The following GALNT10 variants were observed in gnomAD, a reference collection of about 807,000 sequenced individuals.
GALNT10 encodes the protein polypeptide N-acetylgalactosaminyltransferase 10.
A neutral mutation model predicts 75.0 loss-of-function variants in GALNT10; 41 were observed. The ratio of observed to expected loss-of-function variants is 0.55; its 90% confidence interval spans 0.43 to 0.71. GALNT10 has a LOEUF of 0.71. GALNT10 is among the 30% of genes least tolerant of loss of function. The pLI is 0.00. For missense variants in GALNT10, 727 were observed against 818.5 expected (o/e 0.89, Z 1.36); for synonymous variants, 302 against 313.0 (o/e 0.96, Z 0.37).
At chr5:154,346,135 T>TGTGC (rs1465304840) in intron 4 of GALNT10, among the ~76,000 whole-genome samples, 3 of 87,500 alleles carry the variant, frequency 3.4e-5, no homozygotes, top group Non-Finnish European at 8.1e-5. Flanking sequence ...AATATTCGTG[T>TGTGC]GTGCGTGTGT....
chr5:154,371,693 C>T (rs1755572260), intron 4 of GALNT10, among the ~76,000 whole-genome samples: 1 of 152,132 alleles, frequency 6.6e-6, no homozygotes, highest in Non-Finnish European at 1.5e-5. Flanking sequence ...GCAAGGCTTT[C>T]CCTAGGTCTC....
intron 1 of GALNT10, among the ~76,000 whole-genome samples, chr5:154,285,486 C>T (rs951472234): frequency 6.6e-6 from 1 of 152,178 alleles, no homozygotes; most frequent in Non-Finnish European, 1.5e-5. Context: ...GTTTCACCTG[C>T]ATCTGTGGGA....
chr5:154,393,888 T>C (rs1323147325), intron 7 of GALNT10, among the ~76,000 whole-genome samples: 1 of 152,088 alleles, frequency 6.6e-6, no homozygotes, highest in Non-Finnish European at 1.5e-5. Context: ...TCTCAGCACT[T>C]CCAGCCCACC....
chr5:154,216,775 A>T (rs1328223396), intron 1 of GALNT10, among the ~76,000 whole-genome samples: 1 of 152,178 alleles, frequency 6.6e-6, no homozygotes, highest in Non-Finnish European at 1.5e-5. Flanking sequence ...CTCCAGGTGG[A>T]CTATATAACA....
At chr5:154,325,357 T>C (rs1290872472) in intron 3 of GALNT10, among the ~76,000 whole-genome samples, 1 of 152,160 alleles carries the variant, frequency 6.6e-6, no homozygotes, top group East Asian at 1.9e-4. Flanking sequence ...AGTAGCTATA[T>C]TAATGTTAAG....
At chr5:154,273,167 T>C (rs73805839) in intron 1 of GALNT10, among the ~76,000 whole-genome samples, 27,286 of 151,936 alleles carry the variant, frequency 0.18, 2,592 homozygotes, top group African/African-American at 0.22. Context: ...TCTTCTGAGG[T>C]CACAGATATA....
chr5:154,238,888 T>A (rs552288640), intron 1 of GALNT10, among the ~76,000 whole-genome samples: 1 of 152,362 alleles, frequency 6.6e-6, no homozygotes, highest in South Asian at 2.1e-4. Flanking sequence ...GCACCAAGTG[T>A]TCGGCAAACT....
In GALNT10 at chr5:154,416,512, C is replaced by T. The variant is rs1756514607; in HGVS notation, c.1654-302C>T. ...ACACACACACACACACACACACACA[C>T]ACACACGATAAGGACCAGTGAGGTC... On this transcript the variant is annotated intron_variant, in intron 11 of 11. Coordinates refer to ENST00000297107, the MANE Select transcript of GALNT10 (RefSeq NM_198321.4). The surrounding 1 kb of genome is among the most constrained non-coding windows in gnomAD (Gnocchi z 4.5). Among the ~76,000 whole-genome samples, 1 of 150,964 alleles carries T rather than the reference C, an allele frequency of 6.6e-6. No homozygotes were observed. Among genetic ancestry groups the T allele is most frequent in the Non-Finnish European group, 1.5e-5 (1 of 67,830 alleles).
intron 1 of GALNT10, among the ~76,000 whole-genome samples, chr5:154,215,050 C>T (rs900733731): frequency 6.6e-6 from 1 of 152,170 alleles, no homozygotes; most frequent in Admixed American, 6.5e-5. Flanking sequence ...ATATGTATAA[C>T]TTGTGTGATT....
intron 4 of GALNT10, among the ~76,000 whole-genome samples, chr5:154,348,033 T>C (rs79232948): frequency 0.011 from 1,665 of 152,374 alleles, 36 homozygotes; most frequent in African/African-American, 0.037. Flanking sequence ...TCTGTCTGTG[T>C]GAACCACCTT....
chr5:154,244,224 C>T (rs1183881575), intron 1 of GALNT10, among the ~76,000 whole-genome samples: 1 of 152,084 alleles, frequency 6.6e-6, no homozygotes, highest in East Asian at 1.9e-4. Flanking sequence ...AGTCATGTGG[C>T]CTGTATTATT....
At chr5:154,300,142 T>C (rs7730945) in intron 3 of GALNT10, among the ~76,000 whole-genome samples, 25,578 of 152,130 alleles carry the variant, frequency 0.17, 2,284 homozygotes, top group Non-Finnish European at 0.18. Flanking sequence ...GGCCAAGCCC[T>C]AGATTTTTTC....
rs1643170413 is a variant in GALNT10 at position 154,285,418 on chromosome 5, T to C, written c.160-9398T>C. 2.0e-5 allele frequency among the ~76,000 whole-genome samples: 3 copies of C among 152,256 alleles called. No homozygotes were observed. The South Asian group carries it at 6.2e-4, about 32-fold the overall frequency. ...ACAGTATTGAAACTTAAAAGTAACA[T>C]GTGATGACACAGACACCAGGCTAGG... On this transcript the variant is annotated intron_variant, in intron 1 of 11. Transcript: ENST00000297107.
intron 6 of GALNT10, among the ~76,000 whole-genome samples, chr5:154,383,632 C>T (rs537116218): frequency 2.0e-5 from 3 of 152,288 alleles, no homozygotes; most frequent in South Asian, 2.1e-4. Context: ...CCCTCAGCCC[C>T]GGCCCCTGCT....
chr5:154,347,603 C>G (rs2113139735), intron 4 of GALNT10, among the ~76,000 whole-genome samples: 1 of 152,238 alleles, frequency 6.6e-6, no homozygotes. Context: ...CCCAAGTGAT[C>G]CTCCCGCCTC....
intron 1 of GALNT10, among the ~76,000 whole-genome samples, chr5:154,294,288 A>G (rs9790875): frequency 0.25 from 38,771 of 152,064 alleles, 5,153 homozygotes; most frequent in African/African-American, 0.31. Flanking sequence ...GAGCCATCGT[A>G]GTGCCACTGT....
Position 154,416,053 on chromosome 5 carries a change from T to C in GALNT10, c.1653+121T>C. On this transcript the variant is annotated intron_variant, in intron 11 of 11. Transcript: ENST00000297107. This position sits in a 1 kb window ranked among gnomAD's most constrained non-coding sequence, Gnocchi z 4.5. ...ATTCATTTGTGCCACAAACCTACCA[T>C]GCCGGATTTTGTAGTCATTCAAGAG... 1 of 879,576 alleles carries C rather than the reference T, an allele frequency of 1.1e-6. No individual in the cohort carries two copies. Among genetic ancestry groups the C allele is most frequent in the Non-Finnish European group, 1.7e-6 (1 of 574,894 alleles). The allele number at this position is 879,576 out of a possible 1,614,324, so 54.5% of individuals were successfully genotyped here. A position where few individuals can be genotyped will look rare whatever the true frequency, so the allele number is the denominator to read the frequency against.
chr5:154,397,606 T>G (rs896724037), intron 7 of GALNT10, among the ~76,000 whole-genome samples: 2 of 152,236 alleles, frequency 1.3e-5, no homozygotes, highest in African/African-American at 4.8e-5. Flanking sequence ...TGCTACCCTA[T>G]GTGCCTCCTA....
At position 154,267,615 on chromosome 5, in the gene GALNT10, G is replaced by C. The variant is rs542815301; in HGVS notation, c.160-27201G>C. ...ATTTTTGGCCCCAGTGTTGACCTCTGTGTAAGCCTGGCAGGATGTCTCATT... is the reference window on the plus strand; with the variant it reads ...ATTTTTGGCCCCAGTGTTGACCTCTCTGTAAGCCTGGCAGGATGTCTCATT... On this transcript the variant is annotated intron_variant, in intron 1 of 11. Transcript: ENST00000297107. Among the ~76,000 whole-genome samples, 9 of 152,290 alleles carry C rather than the reference G, an allele frequency of 5.9e-5. No homozygotes were observed. The East Asian group carries it at 1.7e-3, about 29-fold the overall frequency.
Sources: allele counts gnomAD v4.1 joint callset (sites outside exome capture counted in the v4.1 genomes callset), GRCh38; gene constraint gnomAD v4.1.1; non-coding constraint Gnocchi (gnomAD v3.1); transcripts MANE v1.5; gene names NCBI Gene and HGNC (gene_info 2026-07-23, HGNC 2026-07-21).